Variants in WDTC1 observed in about 807,000 individuals in gnomAD.
WDTC1 encodes WD and tetratricopeptide repeats 1.
In WDTC1, 12 loss-of-function variants were observed where a neutral mutation model predicts 76.0. That is an observed-to-expected ratio of 0.16 (90% CI 0.10 to 0.26). The LOEUF is 0.26. Among genes scored for constraint, WDTC1 ranks in the 10% least tolerant of loss-of-function variants. The probability of loss-of-function intolerance (pLI) is 1.00; values close to 1 mark genes in which losing one functional copy is unlikely to be tolerated. For missense variants in WDTC1, 511 were observed against 908.8 expected (o/e 0.56, Z 5.63); for synonymous variants, 326 against 350.8 (o/e 0.93, Z 0.79).
Position 27,301,482 on chromosome 1 carries a change from G to A in WDTC1, c.1468+21G>A, listed in dbSNP as rs750847352. 6.8e-6 allele frequency: 11 copies of A among 1,606,492 alleles called. No homozygotes were observed. Among genetic ancestry groups the A allele is most frequent in the Admixed American group, 1.7e-5 (1 of 59,970 alleles). The stretch of plus-strand genomic sequence containing the variant: ...TGGTGGTGAGTGGGCACTGAGGAGG[G>A]GGTGCTGTTACTCTTTCTCTTTGAG... On this transcript the variant is annotated intron_variant, in intron 13 of 15. Transcript: ENST00000319394. The surrounding 1 kb of genome is among the most constrained non-coding windows in gnomAD (Gnocchi z 5.8).
intron 3 of WDTC1, among the ~76,000 whole-genome samples, chr1:27,275,597 G>A (rs1338989520): frequency 3.3e-5 from 5 of 149,276 alleles, no homozygotes; most frequent in African/African-American, 1.2e-4. Flanking sequence ...TAACCTGGGC[G>A]ACAGAGTGAG....
chr1:27,261,406 G>T (rs944521253), intron 2 of WDTC1, among the ~76,000 whole-genome samples: 2 of 152,174 alleles, frequency 1.3e-5, no homozygotes, highest in Non-Finnish European at 2.9e-5. Flanking sequence ...TGTTGGGCAG[G>T]TGGTGCACAA....
At chr1:27,243,165 T>A (rs1054132763) in intron 1 of WDTC1, among the ~76,000 whole-genome samples, 1 of 151,502 alleles carries the variant, frequency 6.6e-6, no homozygotes, top group Non-Finnish European at 1.5e-5. Flanking sequence ...AATACTGATA[T>A]TACAGGTGTG....
At position 27,297,038 on chromosome 1, in the gene WDTC1, C is replaced by T. The variant is rs759177477; in HGVS notation, c.950-10C>T. ...GTTGTTGCTGTCACTTTCTCACTAT[C>T]TCCTGCCAGAAGTCCAGAATGGCAA... On this transcript the variant is annotated splice_polypyrimidine_tract_variant and intron_variant, in intron 10 of 15. Transcript: ENST00000319394. 24 of 1,613,266 alleles carry T rather than the reference C, an allele frequency of 1.5e-5. No homozygotes were observed. The highest frequency in any genetic ancestry group is 6.7e-5 in the Admixed American group (4 of 59,978).
At chr1:27,298,168 C>A in intron 12 of WDTC1, 57 bp downstream of exon 12, 4 of 1,497,066 alleles carry the variant, frequency 2.7e-6, no homozygotes, top group Non-Finnish European at 3.6e-6. Context: ...GCAGCTGGAC[C>A]AAAAGGCAGG....
At chr1:27,281,190 G>C (rs754463175) in intron 3 of WDTC1, among the ~76,000 whole-genome samples, 1 of 151,976 alleles carries the variant, frequency 6.6e-6, no homozygotes. Flanking sequence ...GGCTGGGCGC[G>C]GTGGCTCACG....
At chr1:27,244,486 A>C (rs2011744509) in intron 1 of WDTC1, among the ~76,000 whole-genome samples, 1 of 151,934 alleles carries the variant, frequency 6.6e-6, no homozygotes, top group African/African-American at 2.4e-5. Context: ...GGACTACAGG[A>C]GTGTGCCACC....
At chr1:27,283,513 T>C in intron 5 of WDTC1, 64 bp downstream of exon 5, 1 of 1,488,318 alleles carries the variant, frequency 6.7e-7, no homozygotes, top group Non-Finnish European at 9.3e-7. Flanking sequence ...GACTGGGCTG[T>C]GGCCACGCCA....
In WDTC1 at chr1:27,301,457, T is replaced by C. The variant is rs1344935656; in HGVS notation, c.1464T>C (p.Asp488=). 1.2e-6 allele frequency: 2 copies of C among 1,612,180 alleles called. No homozygotes were observed. The highest frequency in any genetic ancestry group is 1.7e-6 in the Non-Finnish European group (2 of 1,179,904). ...CAGCTGCCCTCTTCTCTAAAAATGA[T>C]GGTGGTGAGTGGGCACTGAGGAGGG... The part of the protein sequence containing the change: ...DITAALFSKN[D]GEEKKGPGGG... Residue 488 remains aspartate (D), a synonymous_variant, in exon 13 of 16, where the codon GAT becomes GAC. Transcript: ENST00000319394. This position sits in a 1 kb window ranked among gnomAD's most constrained non-coding sequence, Gnocchi z 5.8.
intron 9 of WDTC1, among the ~76,000 whole-genome samples, chr1:27,295,174 T>C (rs997727403): frequency 6.6e-6 from 1 of 152,184 alleles, no homozygotes; most frequent in African/African-American, 2.4e-5. Context: ...CACTGAGCAC[T>C]TACTCTGGGA....
intron 3 of WDTC1, among the ~76,000 whole-genome samples, chr1:27,281,184 G>A (rs1056251556): frequency 4.6e-5 from 7 of 152,064 alleles, no homozygotes; most frequent in East Asian, 1.9e-4. Context: ...GTGTGAGGCT[G>A]GGCGCGGTGG....
intron 1 of WDTC1, among the ~76,000 whole-genome samples, chr1:27,246,156 C>A (rs1330487888): frequency 2.0e-5 from 3 of 152,168 alleles, no homozygotes; most frequent in Non-Finnish European, 4.4e-5. Context: ...AATATAGTCA[C>A]AAAGTTGTGC....
chr1:27,296,456 A>T, intron 10 of WDTC1, 55 bp downstream of exon 10: 1 of 1,573,478 alleles, frequency 6.4e-7, no homozygotes, highest in East Asian at 2.2e-5. Flanking sequence ...GCTTAAGTGC[A>T]TGCTACACCT....
At chr1:27,262,121 G>C (rs2012496433) in intron 2 of WDTC1, among the ~76,000 whole-genome samples, 1 of 151,756 alleles carries the variant, frequency 6.6e-6, no homozygotes, top group African/African-American at 2.4e-5. Context: ...AGTAGAGACG[G>C]GGTTTCACCG....
chr1:27,258,025 G>A (rs569801418), intron 1 of WDTC1, among the ~76,000 whole-genome samples: 2 of 151,748 alleles, frequency 1.3e-5, no homozygotes, highest in Non-Finnish European at 2.9e-5. Flanking sequence ...TCCTGACCTC[G>A]TGATCCGCCC....
chr1:27,236,490 T>G (rs1003597536), intron 1 of WDTC1, among the ~76,000 whole-genome samples: 9 of 152,248 alleles, frequency 5.9e-5, no homozygotes, highest in Non-Finnish European at 1.0e-4. Flanking sequence ...GGATCAACTC[T>G]GCCGAATAAT....
At chr1:27,294,673 C>A in intron 9 of WDTC1, 44 bp downstream of exon 9, 1 of 1,556,132 alleles carries the variant, frequency 6.4e-7, no homozygotes, top group Non-Finnish European at 8.8e-7. Flanking sequence ...CCATTCCATG[C>A]CCAGCAGCCA....
intron 1 of WDTC1, among the ~76,000 whole-genome samples, chr1:27,257,094 C>G (rs543116489): frequency 2.6e-5 from 4 of 152,272 alleles, no homozygotes; most frequent in African/African-American, 9.6e-5. Context: ...GATCTCCTGA[C>G]CTCGTGATCC....
At chr1:27,300,701 CAG>C (rs998168619) in intron 12 of WDTC1, among the ~76,000 whole-genome samples, 3 of 152,164 alleles carry the variant, frequency 2.0e-5, no homozygotes, top group Non-Finnish European at 2.9e-5. Flanking sequence ...TCAGCCAGGA[CAG>C]GGGGGGGTCT....
Sources: allele counts gnomAD v4.1 joint callset (sites outside exome capture counted in the v4.1 genomes callset), GRCh38; gene constraint gnomAD v4.1.1; non-coding constraint Gnocchi (gnomAD v3.1); transcripts MANE v1.5; gene names NCBI Gene and HGNC (gene_info 2026-07-23, HGNC 2026-07-21).